Variants in KIF16B observed in about 807,000 individuals in gnomAD.
KIF16B encodes kinesin family member 16B, also known as kinesin-like protein KIF16B.
In KIF16B, 98 loss-of-function variants were observed where a neutral mutation model predicts 156.3. That is an observed-to-expected ratio of 0.63 (90% CI 0.53 to 0.74). KIF16B has a LOEUF of 0.74. Among genes scored for constraint, KIF16B ranks in the 30% least tolerant of loss-of-function variants. The pLI is 0.00. For missense variants in KIF16B, 1,421 were observed against 1,606.5 expected, an observed-to-expected ratio of 0.88 and a Z score of 1.97; for synonymous variants, 564 against 583.7, an observed-to-expected ratio of 0.97 and a Z score of 0.49.
intron 17 of KIF16B, among the ~76,000 whole-genome samples, chr20:16,385,514 T>C (rs2065208987): frequency 1.3e-5 from 2 of 152,176 alleles, no homozygotes; most frequent in South Asian, 4.1e-4. Context: ...ACAAGTTATT[T>C]AACCTTGGAT....
chr20:16,525,694 G>A (rs746879922), intron 3 of KIF16B, among the ~76,000 whole-genome samples: 1 of 152,172 alleles, frequency 6.6e-6, no homozygotes, highest in Non-Finnish European at 1.5e-5. Context: ...CACATGACTT[G>A]GGTTTGAAGT....
rs2065042694 is a variant in KIF16B at position 16,379,692 on chromosome 20, T to G, written c.2310A>C (p.Arg770=). ...MLVAHLEEQL[R]EKQEMIQLLR... ...GGAGCTGGATCATCTCCTGCTTCTC[T>G]CGGAGCTGCTCTTCCAGATGGGCCA... Residue 770 remains arginine (R), a synonymous_variant, in exon 19 of 26, where the codon CGA becomes CGC. Coordinates refer to ENST00000354981, the MANE Select transcript of KIF16B (RefSeq NM_024704.5). 1 of 1,614,068 alleles carries G rather than the reference T, an allele frequency of 6.2e-7. No homozygotes were observed. Among genetic ancestry groups the G allele is most frequent in the African/African-American group, 1.3e-5 (1 of 74,920 alleles).
chr20:16,514,037 C>T (rs530776117), intron 4 of KIF16B, among the ~76,000 whole-genome samples: 1 of 152,268 alleles, frequency 6.6e-6, no homozygotes, highest in African/African-American at 2.4e-5. Context: ...AGTCTTACGT[C>T]GTATTTTTGG....
intron 17 of KIF16B, among the ~76,000 whole-genome samples, chr20:16,385,058 G>A (rs967707824): frequency 1.3e-5 from 2 of 151,964 alleles, no homozygotes; most frequent in African/African-American, 4.8e-5. Context: ...TTAGCCAGGC[G>A]TGGTGGTGGG....
intron 2 of KIF16B, among the ~76,000 whole-genome samples, chr20:16,528,102 C>T (rs1171796074): frequency 2.6e-5 from 4 of 152,062 alleles, no homozygotes; most frequent in African/African-American, 7.2e-5. Flanking sequence ...TGAAAATGCC[C>T]GAATCTGGGA....
Position 16,505,793 on chromosome 20 carries a change from T to C in KIF16B, c.929A>G (p.Tyr310Cys). 2 of 1,613,854 alleles carry C rather than the reference T, an allele frequency of 1.2e-6. No homozygotes were observed. The highest frequency in any genetic ancestry group is 1.7e-6 in the Non-Finnish European group (2 of 1,179,770). Residue 310 changes from tyrosine (Y) to cysteine (C), a missense_variant, in exon 9 of 26, where the codon TAC becomes TGC. Tyr to Cys is a radical substitution (Grantham distance 194). Transcript: ENST00000354981. ...LAKKKQVFVP[Y>C]RDSVLTWLLK... Reference sequence around the variant, plus strand: ...CAACCAAGTCAACACAGAATCCCTGTAAGGCACGAAAACTTGCTTCTTCTT... The same window carrying C: ...CAACCAAGTCAACACAGAATCCCTGCAAGGCACGAAAACTTGCTTCTTCTT...
chr20:16,526,200 T>C lies in KIF16B; in HGVS notation c.123A>G (p.Pro41=). 2 of 1,549,000 alleles carry C rather than the reference T, an allele frequency of 1.3e-6. No individual in the cohort carries two copies. The highest frequency in any genetic ancestry group is 2.3e-5 in the East Asian group (1 of 44,288). The change falls in exon 3 of 26, where the codon CCA becomes CCG. Residue 41 remains proline (P), a synonymous_variant. Coordinates refer to ENST00000354981, the MANE Select transcript of KIF16B (RefSeq NM_024704.5). ...TTCCTGAGTCCCCAGTGCCTCCTTC[T>C]GGTATCTAGAAAGAAATGATTAGAA... The part of the protein sequence containing the change: ...SKTTITNLKI[P]EGGTGDSGRE...
At chr20:16,432,488 C>T (rs1417708244) in intron 12 of KIF16B, among the ~76,000 whole-genome samples, 1 of 152,122 alleles carries the variant, frequency 6.6e-6, no homozygotes, top group Non-Finnish European at 1.5e-5. Flanking sequence ...AATAAATGTA[C>T]TCTGTGTCAT....
chr20:16,499,315 T>C (rs1488210021), intron 10 of KIF16B, among the ~76,000 whole-genome samples: 3 of 152,230 alleles, frequency 2.0e-5, no homozygotes, highest in Non-Finnish European at 4.4e-5. Flanking sequence ...ATAGTACATA[T>C]GTAGTTCATC....
intron 12 of KIF16B, among the ~76,000 whole-genome samples, chr20:16,481,654 G>A (rs2067987582): frequency 6.6e-6 from 1 of 152,140 alleles, no homozygotes; most frequent in Admixed American, 6.5e-5. Context: ...GAACAAAAAA[G>A]GCTTAAATGT....
At chr20:16,448,763 A>G (rs904458488) in intron 12 of KIF16B, among the ~76,000 whole-genome samples, 39 of 152,220 alleles carry the variant, frequency 2.6e-4, no homozygotes, top group African/African-American at 7.2e-4. Context: ...AAAGCAAAAT[A>G]AAGGGAACAG....
intron 25 of KIF16B, among the ~76,000 whole-genome samples, chr20:16,276,645 C>T (rs1216971466): frequency 2.0e-5 from 3 of 151,944 alleles, no homozygotes; most frequent in African/African-American, 7.3e-5. Context: ...TGGCCATGTC[C>T]AGAGCCACAT....
intron 24 of KIF16B, among the ~76,000 whole-genome samples, chr20:16,320,675 A>C (rs956292580): frequency 1.3e-5 from 2 of 152,222 alleles, no homozygotes; most frequent in Non-Finnish European, 1.5e-5. Context: ...ACTCAGATAA[A>C]ACACATCAAG....
rs897700155 is a variant in KIF16B, at chr20:16,542,676, A to G, written c.48-14236T>C. ...CAGAGACTTTGGGGGAAGGGCAAGA[A>G]GGTCACTGTGACTGCAGAAGAGAGA... On this transcript the variant is annotated intron_variant, in intron 1 of 25. Transcript: ENST00000354981. 3.3e-5 allele frequency among the ~76,000 whole-genome samples: 5 copies of G among 152,210 alleles called. No homozygotes were observed. The East Asian group carries it at 7.7e-4, about 23-fold the overall frequency.
intron 12 of KIF16B, among the ~76,000 whole-genome samples, chr20:16,443,511 T>C (rs1218483240): frequency 1.3e-5 from 2 of 152,204 alleles, no homozygotes; most frequent in Non-Finnish European, 2.9e-5. Context: ...CAGAACACTT[T>C]ACATGAACGC....
chr20:16,308,089 A>G (rs1054733328), intron 25 of KIF16B, among the ~76,000 whole-genome samples: 2 of 152,152 alleles, frequency 1.3e-5, no homozygotes, highest in African/African-American at 4.8e-5. Flanking sequence ...AATCTGCACA[A>G]GAACAATGTG....
chr20:16,437,257 T>G (rs1248745880), intron 12 of KIF16B, among the ~76,000 whole-genome samples: 1 of 152,208 alleles, frequency 6.6e-6, no homozygotes, highest in African/African-American at 2.4e-5. Flanking sequence ...AATCTATGGT[T>G]GGTAAAATCC....
intron 24 of KIF16B, among the ~76,000 whole-genome samples, chr20:16,321,068 T>C (rs367735805): frequency 3.4e-4 from 52 of 152,252 alleles, no homozygotes; most frequent in African/African-American, 1.2e-3. Flanking sequence ...GTCGTAAAGT[T>C]ATTTCACTCT....
intron 12 of KIF16B, among the ~76,000 whole-genome samples, chr20:16,475,228 G>A (rs552264282): frequency 6.6e-6 from 1 of 152,292 alleles, no homozygotes; most frequent in South Asian, 2.1e-4. Context: ...AGTATTTAGT[G>A]TGCCAGGCAC....
Sources: allele counts gnomAD v4.1 joint callset (sites outside exome capture counted in the v4.1 genomes callset), GRCh38; gene constraint gnomAD v4.1.1; transcripts MANE v1.5; gene names NCBI Gene and HGNC (gene_info 2026-07-23, HGNC 2026-07-21).